Variants in ZDHHC14 observed in about 807,000 individuals in gnomAD.
ZDHHC14 encodes the protein palmitoyltransferase ZDHHC14.
Under a neutral mutation model 47.7 loss-of-function variants are expected in ZDHHC14, and 16 were observed. The ratio of observed to expected loss-of-function variants is 0.34; its 90% CI spans 0.23 to 0.51. The LOEUF (loss-of-function observed/expected upper bound fraction) is 0.51, where lower values mean the gene tolerates loss of function less well. Among genes scored for constraint, ZDHHC14 ranks in the 20% least tolerant of loss-of-function variants. The probability of loss-of-function intolerance (pLI) is 0.97; values close to 1 mark genes in which losing one functional copy is unlikely to be tolerated. For missense variants in ZDHHC14, 515 were observed against 662.5 expected (o/e 0.78, Z 2.44); for synonymous variants, 293 against 278.9 (o/e 1.05, Z -0.50).
chr6:157,556,835 T>A (rs9505870), intron 2 of ZDHHC14, among the ~76,000 whole-genome samples: 4,292 of 151,968 alleles, frequency 0.028, 89 homozygotes, highest in Non-Finnish European at 0.043. Flanking sequence ...CCCGGGCGGG[T>A]TCCAGGCGAG....
intron 1 of ZDHHC14, among the ~76,000 whole-genome samples, chr6:157,394,939 C>A (rs1777491294): frequency 6.6e-6 from 1 of 151,730 alleles, no homozygotes; most frequent in African/African-American, 2.4e-5. Flanking sequence ...GCTCTTCCCA[C>A]TCCCTTCCAT....
intron 3 of ZDHHC14, among the ~76,000 whole-genome samples, chr6:157,607,804 C>T (rs1218524501): frequency 6.6e-6 from 1 of 152,122 alleles, no homozygotes; most frequent in African/African-American, 2.4e-5. Flanking sequence ...AACCTGTTCA[C>T]AAGAGAGAAT....
intron 3 of ZDHHC14, among the ~76,000 whole-genome samples, chr6:157,600,822 TTA>T (rs71711114): frequency 0.017 from 2,661 of 152,252 alleles, 64 homozygotes; most frequent in African/African-American, 0.06. Context: ...GCTCCAATGG[TTA>T]TGTCACGTTG....
chr6:157,387,582 C>T (rs1214839350), intron 1 of ZDHHC14, among the ~76,000 whole-genome samples: 1 of 152,140 alleles, frequency 6.6e-6, no homozygotes, highest in Non-Finnish European at 1.5e-5. Context: ...GAGGACAGTG[C>T]CTAGGAACAT....
intron 2 of ZDHHC14, among the ~76,000 whole-genome samples, chr6:157,592,496 G>A (rs1325468122): frequency 6.6e-6 from 1 of 152,154 alleles, no homozygotes; most frequent in Non-Finnish European, 1.5e-5. Flanking sequence ...AATTAGGGTG[G>A]TGTGTTAATG....
At chr6:157,555,937 G>A (rs34867368) in intron 2 of ZDHHC14, among the ~76,000 whole-genome samples, 37,909 of 152,102 alleles carry the variant, frequency 0.25, 5,621 homozygotes, top group African/African-American at 0.4. Context: ...CGCCTAGGAG[G>A]GGATCAGGAG....
chr6:157,411,562 T>C (rs1391262558), intron 1 of ZDHHC14, among the ~76,000 whole-genome samples: 1 of 152,066 alleles, frequency 6.6e-6, no homozygotes, highest in Non-Finnish European at 1.5e-5. Flanking sequence ...TGGGGGAAGT[T>C]GGGTGCTGGT....
intron 3 of ZDHHC14, among the ~76,000 whole-genome samples, chr6:157,607,080 G>A (rs1784566903): frequency 1.3e-5 from 2 of 152,102 alleles, no homozygotes; most frequent in African/African-American, 2.4e-5. Context: ...TCACGATGTC[G>A]AAATTATGTT....
chr6:157,406,413 A>G (rs1777764770), intron 1 of ZDHHC14, among the ~76,000 whole-genome samples: 1 of 152,254 alleles, frequency 6.6e-6, no homozygotes. Flanking sequence ...ATTGAATCGT[A>G]CCTTTGGTTG....
At chr6:157,489,887 T>C (rs1779871794) in intron 1 of ZDHHC14, among the ~76,000 whole-genome samples, 1 of 152,112 alleles carries the variant, frequency 6.6e-6, no homozygotes, top group African/African-American at 2.4e-5. Context: ...CATTAGAAGC[T>C]CGCTCTGGCT....
chr6:157,439,573 A>G (rs553474635), intron 1 of ZDHHC14, among the ~76,000 whole-genome samples: 1 of 152,352 alleles, frequency 6.6e-6, no homozygotes, highest in East Asian at 1.9e-4. Flanking sequence ...AACATAAATT[A>G]GTTCCAACAT....
chr6:157,488,698 T>C (rs1228211072), intron 1 of ZDHHC14, among the ~76,000 whole-genome samples: 1 of 152,162 alleles, frequency 6.6e-6, no homozygotes, highest in Non-Finnish European at 1.5e-5. Flanking sequence ...CACTACCAGT[T>C]TAGTATTTGT....
At chr6:157,383,538 T>C (rs1777254544) in intron 1 of ZDHHC14, among the ~76,000 whole-genome samples, 1 of 152,228 alleles carries the variant, frequency 6.6e-6, no homozygotes, top group African/African-American at 2.4e-5. Context: ...GTAATACTTG[T>C]CGCTCAAAGC....
chr6:157,397,416 T>C (rs140724019), intron 1 of ZDHHC14, among the ~76,000 whole-genome samples: 1,773 of 152,276 alleles, frequency 0.012, 15 homozygotes, highest in Non-Finnish European at 0.016. Flanking sequence ...CTGGCAGCTG[T>C]AGGGGAAATT....
intron 1 of ZDHHC14, among the ~76,000 whole-genome samples, chr6:157,540,191 C>T (rs1781694292): frequency 6.6e-6 from 1 of 152,186 alleles, no homozygotes; most frequent in Non-Finnish European, 1.5e-5. Context: ...AGTGTATTAT[C>T]CCTGCAGTGA....
chr6:157,650,213 A>G (rs111932405), intron 7 of ZDHHC14, among the ~76,000 whole-genome samples: 2 of 151,768 alleles, frequency 1.3e-5, no homozygotes, highest in African/African-American at 4.9e-5. Flanking sequence ...TAAGCTGTGA[A>G]CTCTCCCAAG....
At chr6:157,500,495 C>G (rs1010328420) in intron 1 of ZDHHC14, among the ~76,000 whole-genome samples, 1 of 152,156 alleles carries the variant, frequency 6.6e-6, no homozygotes, top group Non-Finnish European at 1.5e-5. Flanking sequence ...CAGAAGCTAT[C>G]ATAAGATTTC....
chr6:157,390,395 G>A lies in ZDHHC14; in HGVS notation c.245+8129G>A, dbSNP rs541513274. 3.3e-5 allele frequency among the ~76,000 whole-genome samples: 5 copies of A among 152,068 alleles called. No homozygotes were observed. In the South Asian group the frequency reaches 8.3e-4, roughly 25 times the overall value. ...GTATGGTTTTCTTTACATTTATCCC[G>A]CTTGGGGTTTGCCGAGCTTCTTGGA... On this transcript the variant is annotated intron_variant, in intron 1 of 8. Coordinates refer to ENST00000359775, the MANE Select transcript of ZDHHC14 (RefSeq NM_024630.3).
intron 1 of ZDHHC14, among the ~76,000 whole-genome samples, chr6:157,416,807 A>ATTTTT (rs5881208): frequency 7.3e-6 from 1 of 137,432 alleles, no homozygotes; most frequent in Non-Finnish European, 1.5e-5. Context: ...TTGTTAGCAA[A>ATTTTT]TTTTTTTTTT....
Sources: gnomAD v4.1 joint callset for allele counts (sites outside exome capture counted in the v4.1 genomes callset) on GRCh38, gnomAD v4.1.1 for gene constraint, MANE v1.5 for transcripts, NCBI Gene and HGNC (gene_info 2026-07-23, HGNC 2026-07-21) for gene names.